RAD50: variants seen among roughly 807,000 people sequenced by gnomAD.
RAD50 encodes the protein RAD50 double strand break repair protein, also known as DNA repair protein RAD50.
Under a neutral mutation model 168.8 loss-of-function variants are expected in RAD50, and 132 were observed. The observed-to-expected ratio is 0.78, with a 90% CI of 0.68 to 0.90. RAD50 has a LOEUF of 0.90. RAD50 is among the 40% of genes least tolerant of loss of function. RAD50 has a pLI of 0.00. For synonymous variants in RAD50, 525 were observed against 497.4 expected (o/e 1.06, Z -0.74); for missense variants, 1,347 against 1,534.4 (o/e 0.88, Z 2.04).
intron 5 of RAD50, among the ~76,000 whole-genome samples, chr5:132,585,228 A>C (rs373788778): frequency 2.0e-4 from 30 of 152,204 alleles, no homozygotes; most frequent in East Asian, 1.3e-3. Context: ...GTTTAACCTT[A>C]TAAGTTACCA....
chr5:132,644,891 C>G lies in RAD50; in HGVS notation c.*2527C>G, dbSNP rs1462115120. The G allele has an allele frequency of 6.6e-6, 1 of 152,538 alleles. No individual in the cohort carries two copies. The highest frequency in any genetic ancestry group is 1.5e-5 in the Non-Finnish European group (1 of 68,282). The allele number at this position is 152,538 out of a possible 1,614,324, so 9.4% of individuals were successfully genotyped here. The stretch of plus-strand genomic sequence containing the variant: ...ATACAAGCAATCCTCCTGCCTCAGC[C>G]TCCCAAGTAGCTAGGATTACAGGCA... On this transcript the variant is annotated 3_prime_UTR_variant, in exon 25 of 25. Coordinates refer to ENST00000378823, the MANE Select transcript of RAD50 (RefSeq NM_005732.4).
chr5:132,618,427 G>A, intron 21 of RAD50, 133 bp downstream of exon 21: 1 of 1,456,280 alleles, frequency 6.9e-7, no homozygotes, highest in South Asian at 1.4e-5. Flanking sequence ...TTCCCAGGCT[G>A]GAGTGCAATG....
In RAD50 at chr5:132,638,173, A is replaced by G; in HGVS notation, c.3568A>G (p.Lys1190Glu). The G allele has an allele frequency of 6.2e-7, 1 of 1,614,202 alleles. No homozygotes were observed. Among genetic ancestry groups the G allele is most frequent in the Non-Finnish European group, 8.5e-7 (1 of 1,180,028 alleles). The change falls in exon 23 of 25, where the codon AAG becomes GAG. Residue 1190 changes from lysine to glutamate, a missense_variant. Lys to Glu is a moderately conservative substitution (Grantham distance 56). Around this residue, in one of 3 missense-constraint regions of RAD50, gnomAD observed 635 missense variants for 739.2 expected, o/e 0.86. Transcript: ENST00000378823. ...RNYNYRVVML[K>E]GDTALDMRGR... Reference sequence around the variant, plus strand: ...TTATAACTACCGAGTGGTGATGCTGAAGGGAGACACAGCCTTGGATATGCG... The same window carrying G: ...TTATAACTACCGAGTGGTGATGCTGGAGGGAGACACAGCCTTGGATATGCG...
At position 132,642,927 on chromosome 5, in the gene RAD50, T is replaced by G. The variant is rs1751764115; in HGVS notation, c.*563T>G. 2.2e-6 allele frequency: 1 copy of G among 458,026 alleles called. No individual in the cohort carries two copies. The highest frequency in any genetic ancestry group is 4.5e-6 in the Non-Finnish European group (1 of 220,116). The allele number at this position is 458,026 out of a possible 1,614,324, so 28.4% of individuals were successfully genotyped here. A position where few individuals can be genotyped will look rare whatever the true frequency, so the allele number is the denominator to read the frequency against. On this transcript the variant is annotated 3_prime_UTR_variant, in exon 25 of 25. Transcript: ENST00000378823. ...TAAAATTTGAAGTAGTTGAATGGGG[T>G]CTCAAAGTTTGACAGGAACCTTAAG... is the stretch of plus-strand genomic sequence containing the variant.
intron 23 of RAD50, among the ~76,000 whole-genome samples, chr5:132,639,586 C>G (rs1414014017): frequency 1.3e-5 from 2 of 152,140 alleles, no homozygotes; most frequent in Admixed American, 1.3e-4. Flanking sequence ...AAAATACTTT[C>G]AAAAATATCT....
intron 5 of RAD50, among the ~76,000 whole-genome samples, chr5:132,586,779 A>C (rs1194661324): frequency 1.3e-5 from 2 of 152,134 alleles, no homozygotes; most frequent in Non-Finnish European, 2.9e-5. Flanking sequence ...TGGGAGGAAC[A>C]CTTGAGCCCA....
At chr5:132,576,666 G>A (rs1750405552) in intron 3 of RAD50, among the ~76,000 whole-genome samples, 1 of 152,132 alleles carries the variant, frequency 6.6e-6, no homozygotes, top group Non-Finnish European at 1.5e-5. Flanking sequence ...TTCCACTCCA[G>A]TTACTACCTG....
chr5:132,589,893 T>G (rs536792870), intron 9 of RAD50, 56 bp downstream of exon 9: 2 of 1,436,242 alleles, frequency 1.4e-6, no homozygotes, highest in African/African-American at 2.9e-5. Context: ...TTTAGAAGTA[T>G]TTTGTCTATT....
At chr5:132,586,056 G>A (rs905971020) in intron 5 of RAD50, among the ~76,000 whole-genome samples, 1 of 152,108 alleles carries the variant, frequency 6.6e-6, no homozygotes, top group Non-Finnish European at 1.5e-5. Context: ...TATTTAGGAA[G>A]TCTTTGACCC....
At chr5:132,576,015 G>A in intron 3 of RAD50, 87 bp downstream of exon 3, 2 of 1,309,322 alleles carry the variant, frequency 1.5e-6, no homozygotes, top group Non-Finnish European at 2.1e-6. Context: ...TATAAGTTTA[G>A]GGGAGCATAT....
chr5:132,638,597 CATAAG>C (rs1196307514), intron 23 of RAD50, among the ~76,000 whole-genome samples: 1 of 152,134 alleles, frequency 6.6e-6, no homozygotes, highest in Non-Finnish European at 1.5e-5. Flanking sequence ...CAATTATAAC[CATAAG>C]ATGTTTCAGA....
intron 23 of RAD50, 84 bp downstream of exon 23, chr5:132,638,307 A>G (rs1751638128): frequency 6.7e-7 from 1 of 1,498,852 alleles, no homozygotes; most frequent in African/African-American, 1.4e-5. Context: ...GAAGCACCCA[A>G]GGCTACACCT....
intron 2 of RAD50, among the ~76,000 whole-genome samples, chr5:132,564,193 A>C (rs1397739136): frequency 6.6e-6 from 1 of 152,208 alleles, no homozygotes; most frequent in African/African-American, 2.4e-5. Flanking sequence ...AGGTTGGAAC[A>C]GTTTGGAGGG....
At chr5:132,633,967 AAACT>A (rs1751525599) in intron 21 of RAD50, among the ~76,000 whole-genome samples, 1 of 152,216 alleles carries the variant, frequency 6.6e-6, no homozygotes, top group South Asian at 2.1e-4. Flanking sequence ...TTGCAGTTAT[AAACT>A]AACGTTCTAT....
chr5:132,592,081 C>G (rs1750712663), intron 11 of RAD50, 47 bp downstream of exon 11: 1 of 1,538,978 alleles, frequency 6.5e-7, no homozygotes, highest in African/African-American at 1.4e-5. Flanking sequence ...TTATTTCATG[C>G]TTACCTGTTT....
In RAD50 at chr5:132,604,864, A is replaced by G. The variant is rs1222790552; in HGVS notation, c.2583A>G (p.Gln861=). ...TACAGGACCAGCAGGAACAGATTCA[A>G]CATCTAAAAAGTACAACAAATGAGC... The part of the protein sequence containing the change: ...KLIQDQQEQI[Q]HLKSTTNELK... The change falls in exon 16 of 25, where the codon CAA becomes CAG. Residue 861 remains glutamine (Q), a synonymous_variant. Transcript: ENST00000378823. 5 of 1,613,694 alleles carry G rather than the reference A, an allele frequency of 3.1e-6. No individual in the cohort carries two copies. Among genetic ancestry groups the G allele is most frequent in the Admixed American group, 1.7e-5 (1 of 59,986 alleles).
intron 1 of RAD50, among the ~76,000 whole-genome samples, chr5:132,557,878 T>G (rs999849345): frequency 4.6e-5 from 7 of 152,244 alleles, no homozygotes; most frequent in African/African-American, 1.7e-4. Context: ...TTTCCAAGTA[T>G]GCCAACTGTC....
At chr5:132,623,260 C>T (rs1229133291) in intron 21 of RAD50, among the ~76,000 whole-genome samples, 1 of 152,166 alleles carries the variant, frequency 6.6e-6, no homozygotes, top group Non-Finnish European at 1.5e-5. Context: ...GGGCGGATCA[C>T]TTGAGGTGAG....
chr5:132,558,832 G>C (rs968700897), intron 1 of RAD50, among the ~76,000 whole-genome samples: 1 of 151,924 alleles, frequency 6.6e-6, no homozygotes, highest in African/African-American at 2.4e-5. Flanking sequence ...CCAGGAGGTC[G>C]AGAGGTCGAG....
Sources: gnomAD v4.1 joint callset for allele counts (sites outside exome capture counted in the v4.1 genomes callset) on GRCh38, gnomAD v4.1.1 for gene constraint, gnomAD v4.1.1 regional missense constraint, MANE v1.5 for transcripts, NCBI Gene and HGNC (gene_info 2026-07-23, HGNC 2026-07-21) for gene names.